The following DEK variants were observed in gnomAD, a reference collection of about 807,000 sequenced individuals.
The protein encoded by DEK is protein DEK.
Under a neutral mutation model 46.8 loss-of-function variants are expected in DEK, and 28 were observed. The ratio of observed to expected loss-of-function variants is 0.60; its 90% CI spans 0.44 to 0.82. The LOEUF is 0.82. Among genes scored for constraint, DEK ranks in the 40% least tolerant of loss-of-function variants. The probability of loss-of-function intolerance (pLI) is 0.00; values close to 1 mark genes in which losing one functional copy is unlikely to be tolerated. For missense variants in DEK, 416 were observed against 430.6 expected (o/e 0.97, Z 0.30); for synonymous variants, 160 against 144.5 (o/e 1.11, Z -0.77).
At chr6:18,236,986 G>C (rs956985389) in intron 8 of DEK, 7 of 190,328 alleles carry the variant, frequency 3.7e-5, no homozygotes, top group Non-Finnish European at 3.2e-5. Context: ...CAGTGCTCTG[G>C]GGGGCCAAGA....
intron 2 of DEK, among the ~76,000 whole-genome samples, chr6:18,261,693 C>G (rs1791876626): frequency 6.6e-6 from 1 of 152,228 alleles, no homozygotes; most frequent in South Asian, 2.1e-4. Flanking sequence ...GAATTTTACC[C>G]AATGTCTGTA....
chr6:18,253,097 C>A (rs989327666), intron 6 of DEK, among the ~76,000 whole-genome samples: 1 of 151,882 alleles, frequency 6.6e-6, no homozygotes, highest in Non-Finnish European at 1.5e-5. Context: ...TTTCATAGAA[C>A]CCCACATTTT....
chr6:18,264,242 CT>C, intron 1 of DEK, 142 bp downstream of exon 1: 1 of 279,458 alleles, frequency 3.6e-6, no homozygotes, highest in Non-Finnish European at 6.6e-6. Context: ...CCCGCCCGGC[CT>C]GCGCTGTTCC....
intron 9 of DEK, among the ~76,000 whole-genome samples, chr6:18,228,286 A>G (rs1314794951): frequency 6.6e-6 from 1 of 152,208 alleles, no homozygotes; most frequent in East Asian, 1.9e-4. Flanking sequence ...AATTTTGCTT[A>G]CAAAACCAGG....
At chr6:18,245,983 A>T (rs1791097481) in intron 7 of DEK, among the ~76,000 whole-genome samples, 1 of 152,216 alleles carries the variant, frequency 6.6e-6, no homozygotes, top group Non-Finnish European at 1.5e-5. Context: ...GCCGCGTAAG[A>T]TGGGTCTTTG....
chr6:18,240,109 G>C (rs890990987), intron 7 of DEK, among the ~76,000 whole-genome samples: 1 of 152,162 alleles, frequency 6.6e-6, no homozygotes, highest in African/African-American at 2.4e-5. Context: ...TAAAATTTTA[G>C]ATGTGATACA....
chr6:18,236,416 G>A (rs772955873), intron 9 of DEK, 36 bp downstream of exon 9: 1 of 1,590,622 alleles, frequency 6.3e-7, no homozygotes, highest in Non-Finnish European at 8.5e-7. Flanking sequence ...AATTTTTCTA[G>A]CAAAAGCAAA....
Position 18,263,870 on chromosome 6 carries a change from C to T in DEK, c.118G>A (p.Asp40Asn). 2.5e-6 allele frequency: 4 copies of T among 1,612,668 alleles called. No homozygotes were observed. The highest frequency in any genetic ancestry group is 3.4e-6 in the Non-Finnish European group (4 of 1,179,328). The change falls in exon 2 of 11, where the codon GAC (aspartate) becomes AAC (asparagine). Residue 40 changes from aspartate (D) to asparagine (N), a missense_variant. Coordinates refer to ENST00000652689, the MANE Select transcript of DEK (RefSeq NM_003472.4). ...EESEEEEDED[D>N]EEEEEEEKEK... ...TTTTCCTCCTCCTCCTCCTCCTCGT[C>T]GTCCTCGTCCTCTTCCTCCTCGCTC...
intron 6 of DEK, among the ~76,000 whole-genome samples, chr6:18,254,572 T>C (rs997482928): frequency 3.3e-5 from 5 of 152,258 alleles, no homozygotes; most frequent in East Asian, 3.9e-4. Flanking sequence ...ATAACTCATA[T>C]TAAAAAAAGC....
At chr6:18,249,420 C>G (rs1791266841) in intron 7 of DEK, among the ~76,000 whole-genome samples, 1 of 152,186 alleles carries the variant, frequency 6.6e-6, no homozygotes, top group Non-Finnish European at 1.5e-5. Context: ...GCTCAAGGCC[C>G]ACTTCAAATC....
intron 7 of DEK, among the ~76,000 whole-genome samples, chr6:18,248,270 C>T (rs1791212970): frequency 6.6e-6 from 1 of 152,060 alleles, no homozygotes; most frequent in Admixed American, 6.6e-5. Context: ...GTTTCCAGAG[C>T]CCATGCTAAC....
chr6:18,240,331 TAA>T (rs1343025777), intron 7 of DEK, among the ~76,000 whole-genome samples: 1 of 152,248 alleles, frequency 6.6e-6, no homozygotes, highest in Non-Finnish European at 1.5e-5. Flanking sequence ...TTAAAATTTC[TAA>T]AAGACTGCAA....
chr6:18,240,580 A>G (rs1003500701), intron 7 of DEK, among the ~76,000 whole-genome samples: 1 of 152,208 alleles, frequency 6.6e-6, no homozygotes. Context: ...ATTAACTATT[A>G]TTACTGAGTG....
At chr6:18,251,485 A>G (rs1446046480) in intron 6 of DEK, among the ~76,000 whole-genome samples, 1 of 152,208 alleles carries the variant, frequency 6.6e-6, no homozygotes, top group East Asian at 1.9e-4. Context: ...TTGCTCCAAC[A>G]ACGTACCCTT....
At chr6:18,228,543 G>C (rs1790240520) in intron 9 of DEK, among the ~76,000 whole-genome samples, 2 of 152,096 alleles carry the variant, frequency 1.3e-5, no homozygotes, top group African/African-American at 4.8e-5. Context: ...AGTGGGTGCA[G>C]CCAACCGAGC....
rs1234061467 is a variant in DEK at position 18,224,685 on chromosome 6, T to C, written c.*1034A>G. On this transcript the variant is annotated 3_prime_UTR_variant, in exon 11 of 11. Coordinates refer to ENST00000652689, the MANE Select transcript of DEK (RefSeq NM_003472.4). ...ATTGCCTGCACATTATATTCTGGCA[T>C]TATAATCTGGTACTTTAGTCATAAT... 1.4e-5 allele frequency: 3 copies of C among 211,420 alleles called. No homozygotes were observed. The highest frequency in any genetic ancestry group is 1.9e-5 in the Non-Finnish European group (2 of 104,144). The allele number at this position is 211,420 out of a possible 1,614,324, so 13.1% of individuals were successfully genotyped here.
intron 9 of DEK, among the ~76,000 whole-genome samples, chr6:18,230,165 G>C (rs2151077376): frequency 6.6e-6 from 1 of 152,284 alleles, no homozygotes; most frequent in African/African-American, 2.4e-5. Context: ...ATCCTTTACA[G>C]ACAAGCAAAT....
At chr6:18,260,503 A>G (rs889368476) in intron 2 of DEK, among the ~76,000 whole-genome samples, 7 of 152,176 alleles carry the variant, frequency 4.6e-5, no homozygotes, top group African/African-American at 7.2e-5. Context: ...TTTTCAAAAA[A>G]CATTAATACC....
At position 18,224,280 on chromosome 6, in the gene DEK, G is replaced by GT. The variant is rs2151073449; in HGVS notation, c.*1438dup. 1 of 182,306 alleles carries GT rather than the reference G, an allele frequency of 5.5e-6. No individual in the cohort carries two copies. The highest frequency in any genetic ancestry group is 2.0e-4 in the South Asian group (1 of 5,076). The allele number at this position is 182,306 out of a possible 1,614,324, so 11.3% of individuals were successfully genotyped here. ...ATTTAGTTGCTTATTTTGTTCACTT[G>GT]TATTTACCTTTCCCTAGTGTCTGAG... On this transcript the variant is annotated 3_prime_UTR_variant, in exon 11 of 11. Coordinates refer to ENST00000652689, the MANE Select transcript of DEK (RefSeq NM_003472.4).
Sources: allele counts gnomAD v4.1 joint callset (sites outside exome capture counted in the v4.1 genomes callset), GRCh38; gene constraint gnomAD v4.1.1; transcripts MANE v1.5; gene names NCBI Gene and HGNC (gene_info 2026-07-23, HGNC 2026-07-21).